The following ZNF236 variants were observed in gnomAD, a reference collection of about 807,000 sequenced individuals.
The protein encoded by ZNF236 is zinc finger protein 236, also known as regulated by glucose.
In ZNF236, 50 loss-of-function variants were observed where a neutral mutation model predicts 191.2. The ratio of observed to expected loss-of-function variants is 0.26; its 90% confidence interval spans 0.21 to 0.33. ZNF236 has a LOEUF of 0.33. Among genes scored for constraint, ZNF236 ranks in the 10% least tolerant of loss-of-function variants. The pLI, the probability that ZNF236 is intolerant of heterozygous loss-of-function variation, is 1.00. For synonymous variants in ZNF236, 907 were observed against 928.8 expected (o/e 0.98, Z 0.43); for missense variants, 1,754 against 2,374.5 (o/e 0.74, Z 5.43).
intron 26 of ZNF236, among the ~76,000 whole-genome samples, chr18:76,942,065 A>T (rs1968145428): frequency 6.6e-6 from 1 of 152,264 alleles, no homozygotes; most frequent in South Asian, 2.1e-4. Context: ...ATTTGACCTG[A>T]AAATTAGAAG....
At chr18:76,848,715 G>A (rs559007641) in intron 1 of ZNF236, among the ~76,000 whole-genome samples, 2 of 152,264 alleles carry the variant, frequency 1.3e-5, no homozygotes, top group South Asian at 4.2e-4. Context: ...GCCCAGACTG[G>A]GGTGCAGTGG....
At chr18:76,906,240 G>A (rs1355239530) in intron 13 of ZNF236, among the ~76,000 whole-genome samples, 2 of 152,154 alleles carry the variant, frequency 1.3e-5, no homozygotes, top group Non-Finnish European at 2.9e-5. Context: ...CAGAATTGAC[G>A]TTTTTGATTT....
chr18:76,864,539 G>A (rs991383879), intron 3 of ZNF236, among the ~76,000 whole-genome samples: 1 of 151,922 alleles, frequency 6.6e-6, no homozygotes, highest in Non-Finnish European at 1.5e-5. Flanking sequence ...ACGCACATGT[G>A]TTTGTTCTGT....
intron 13 of ZNF236, among the ~76,000 whole-genome samples, chr18:76,906,248 T>C (rs556861862): frequency 6.6e-6 from 1 of 152,244 alleles, no homozygotes; most frequent in Non-Finnish European, 1.5e-5. Context: ...ACGTTTTTGA[T>C]TTCAGTATCG....
At chr18:76,943,977 A>G (rs1968200035) in intron 26 of ZNF236, among the ~76,000 whole-genome samples, 2 of 152,244 alleles carry the variant, frequency 1.3e-5, no homozygotes, top group African/African-American at 2.4e-5. Context: ...AGGTTGATTT[A>G]TGGGTACTTG....
At chr18:76,881,969 T>C (rs907273440) in intron 9 of ZNF236, among the ~76,000 whole-genome samples, 1 of 152,158 alleles carries the variant, frequency 6.6e-6, no homozygotes, top group African/African-American at 2.4e-5. Flanking sequence ...GCAGCACAGC[T>C]CCCTCCTCCA....
intron 26 of ZNF236, among the ~76,000 whole-genome samples, chr18:76,938,608 TTCAG>T (rs1373411122): frequency 6.6e-6 from 1 of 152,156 alleles, no homozygotes; most frequent in Non-Finnish European, 1.5e-5. Flanking sequence ...CAAGGCAGAG[TTCAG>T]TCAGTCTCCC....
intron 19 of ZNF236, among the ~76,000 whole-genome samples, chr18:76,918,545 C>T (rs1325663957): frequency 6.6e-6 from 1 of 152,194 alleles, no homozygotes; most frequent in Non-Finnish European, 1.5e-5. Context: ...CCACCTCAGG[C>T]TCCTGAGTAG....
chr18:76,922,608 G>A (rs577201107), intron 20 of ZNF236, among the ~76,000 whole-genome samples: 2 of 151,414 alleles, frequency 1.3e-5, no homozygotes, highest in South Asian at 4.2e-4. Context: ...CCAGGCTGGA[G>A]TGCAGTGGTG....
intron 6 of ZNF236, among the ~76,000 whole-genome samples, chr18:76,876,683 GTTACCT>G (rs1278625571): frequency 3.3e-5 from 5 of 152,316 alleles, no homozygotes; most frequent in Admixed American, 6.5e-5. Flanking sequence ...AGGTACTGAG[GTTACCT>G]TTAGATTTCG....
chr18:76,850,383 A>T (rs1370157969), intron 2 of ZNF236, among the ~76,000 whole-genome samples: 1 of 152,122 alleles, frequency 6.6e-6, no homozygotes, highest in African/African-American at 2.4e-5. Flanking sequence ...ATATAATATA[A>T]ATATAATATA....
In ZNF236 at chr18:76,858,180, A is replaced by T. The variant is rs190886939; in HGVS notation, c.363+6241A>T. On this transcript the variant is annotated intron_variant, in intron 3 of 30. Coordinates refer to ENST00000320610, the MANE Select transcript of ZNF236 (RefSeq NM_001306089.2). ...TGCAACTAGCATATGCGCAGTTTTT[A>T]AAAAAAAATCACCCTTATATCATTT... Among the ~76,000 whole-genome samples the T allele has an allele frequency of 2.5e-3, 375 of 151,860 alleles. 3 individuals are homozygous for T. Among genetic ancestry groups the T allele is most frequent in the African/African-American group, 7.2e-3 (298 of 41,406 alleles).
chr18:76,967,632 T>G (rs1789255), intron 30 of ZNF236, among the ~76,000 whole-genome samples: 10 of 86,500 alleles, frequency 1.2e-4, no homozygotes, highest in Admixed American at 3.9e-4. Context: ...TTGTGATTTG[T>G]TGTTGGAGGT....
intron 26 of ZNF236, among the ~76,000 whole-genome samples, chr18:76,943,604 T>C (rs1023986762): frequency 2.0e-5 from 3 of 152,196 alleles, no homozygotes; most frequent in African/African-American, 7.2e-5. Context: ...ACTTTGTATT[T>C]AGGTATATAA....
chr18:76,849,565 C>T lies in ZNF236; in HGVS notation c.95C>T (p.Ala32Val), dbSNP rs1212224881. ...LTLNAENTNY[A>V]YQVPNFHKCE... ...TTGAATGCGGAGAACACTAATTATGCCTATCAAGTTCCAAACTTCCATAAA... is the reference window on the plus strand; with the variant it reads ...TTGAATGCGGAGAACACTAATTATGTCTATCAAGTTCCAAACTTCCATAAA... Residue 32 changes from alanine (A) to valine (V), a missense_variant, in exon 2 of 31, where the codon GCC (alanine) becomes GTC (valine). This residue lies in a region of ZNF236 where 336 missense variants were observed against 495.1 expected (regional missense o/e 0.68). Coordinates refer to ENST00000320610, the MANE Select transcript of ZNF236 (RefSeq NM_001306089.2). The T allele has an allele frequency of 4.3e-6, 7 of 1,611,536 alleles. No individual in the cohort carries two copies. In the African/African-American group the frequency reaches 9.4e-5, roughly 22 times the overall value.
intron 9 of ZNF236, among the ~76,000 whole-genome samples, chr18:76,884,631 G>A (rs1049785242): frequency 1.3e-5 from 2 of 152,136 alleles, no homozygotes; most frequent in South Asian, 2.1e-4. Context: ...GGTCACTGCC[G>A]TGAACTTCGG....
intron 30 of ZNF236, among the ~76,000 whole-genome samples, chr18:76,965,797 T>A (rs757800785): frequency 6.6e-6 from 1 of 151,452 alleles, no homozygotes; most frequent in East Asian, 1.9e-4. Context: ...GGCAGGGGGG[T>A]GAAATGGACT....
At chr18:76,964,266 G>T (rs470586) in intron 30 of ZNF236, among the ~76,000 whole-genome samples, 151,145 of 152,342 alleles carry the variant, frequency 0.99, 74,992 homozygotes, top group East Asian at 1. Context: ...ATGTCACTAT[G>T]GTTGTTCAGT....
chr18:76,917,667 G>C (rs941638712), intron 19 of ZNF236, among the ~76,000 whole-genome samples: 1 of 152,142 alleles, frequency 6.6e-6, no homozygotes, highest in African/African-American at 2.4e-5. Context: ...CATGCTGTCT[G>C]TCTGTCGTGC....
Sources: gnomAD v4.1 joint callset for allele counts (sites outside exome capture counted in the v4.1 genomes callset) on GRCh38, gnomAD v4.1.1 for gene constraint, gnomAD v4.1.1 regional missense constraint, MANE v1.5 for transcripts, NCBI Gene and HGNC (gene_info 2026-07-23, HGNC 2026-07-21) for gene names.